ITM2B: variants seen among roughly 807,000 people sequenced by gnomAD.
ITM2B encodes integral membrane protein 2B, also known as ABri/ADan amyloid peptide.
Under a neutral mutation model 27.8 loss-of-function variants are expected in ITM2B, and 11 were observed. The observed-to-expected ratio is 0.40, with a 90% confidence interval of 0.25 to 0.66. The LOEUF (loss-of-function observed/expected upper bound fraction) is 0.66. Ranked by LOEUF, ITM2B falls within the 30% of genes least tolerant of loss-of-function variation. The probability of loss-of-function intolerance (pLI) is 0.43; values close to 1 mark genes in which losing one functional copy is unlikely to be tolerated. For synonymous variants in ITM2B, 114 were observed against 114.3 expected (o/e 1.00, Z 0.02); for missense variants, 296 against 328.9 (o/e 0.90, Z 0.77).
At chr13:48,246,030 A>G (rs1435836402) in intron 1 of ITM2B, among the ~76,000 whole-genome samples, 1 of 152,178 alleles carries the variant, frequency 6.6e-6, no homozygotes, top group African/African-American at 2.4e-5. Flanking sequence ...CACCCGCTTC[A>G]GCCTCCCAAA....
intron 1 of ITM2B, among the ~76,000 whole-genome samples, chr13:48,242,159 T>G (rs1437190098): frequency 6.6e-6 from 1 of 152,240 alleles, no homozygotes; most frequent in Non-Finnish European, 1.5e-5. Flanking sequence ...TTAGTGTTTT[T>G]TATTATAATT....
chr13:48,238,801 A>G (rs1035037813), intron 1 of ITM2B, among the ~76,000 whole-genome samples: 2 of 152,164 alleles, frequency 1.3e-5, no homozygotes, highest in African/African-American at 4.8e-5. Context: ...TATTTGAATG[A>G]TTAACTTTAA....
In ITM2B at chr13:48,257,678, A is replaced by G. The variant is rs1034381601; in HGVS notation, c.454-448A>G. Among the ~76,000 whole-genome samples, 10 of 152,328 alleles carry G rather than the reference A, an allele frequency of 6.6e-5. No individual in the cohort carries two copies. The East Asian group carries it at 1.5e-3, about 23-fold the overall frequency. ...TTCTATGAGACAGTCTTTCTCAACC[A>G]GCGTTTCTCATTTGAACCACAGAAC... is the stretch of plus-strand genomic sequence containing the variant. On this transcript the variant is annotated intron_variant, in intron 3 of 5. Transcript: ENST00000647800.
rs1951645843 is a variant in ITM2B at position 48,233,302 on chromosome 13, A to G, written c.-59A>G. On this transcript the variant is annotated 5_prime_UTR_variant, in exon 1 of 6. Coordinates refer to ENST00000647800, the MANE Select transcript of ITM2B (RefSeq NM_021999.5). ...CGTAGAGGCTGCAATCGCAGCCGGG[A>G]GCCCGCAGCCCGCGCCCCGAGCCCG... 1 of 1,110,576 alleles carries G rather than the reference A, an allele frequency of 9.0e-7. No homozygotes were observed. Among genetic ancestry groups the G allele is most frequent in the African/African-American group, 1.6e-5 (1 of 60,708 alleles). The allele number at this position is 1,110,576 out of a possible 1,614,324, so 68.8% of individuals were successfully genotyped here. A position where few individuals can be genotyped will look rare whatever the true frequency, so the allele number is the denominator to read the frequency against.
rs1593398868 is a variant in ITM2B, at chr13:48,263,930, A to G, written c.*2706A>G. ...AAACATTCAAACCATAGCAAGTTCCATAATGCACCCCATCATATGTGTGTG... is the reference window on the plus strand; with the variant it reads ...AAACATTCAAACCATAGCAAGTTCCGTAATGCACCCCATCATATGTGTGTG... On this transcript the variant is annotated 3_prime_UTR_variant, in exon 6 of 6. Transcript: ENST00000647800. 3 of 152,122 alleles carry G rather than the reference A, an allele frequency of 2.0e-5. No homozygotes were observed. Among genetic ancestry groups the G allele is most frequent in the African/African-American group, 4.8e-5 (2 of 41,412 alleles). The allele number at this position is 152,122 out of a possible 1,614,324, so 9.4% of individuals were successfully genotyped here.
At chr13:48,252,188 T>A (rs1172275853) in intron 1 of ITM2B, among the ~76,000 whole-genome samples, 1 of 152,242 alleles carries the variant, frequency 6.6e-6, no homozygotes, top group Admixed American at 6.5e-5. Flanking sequence ...CTTCAACATC[T>A]GGGATTAGAC....
Position 48,258,272 on chromosome 13 carries a change from C to G in ITM2B, c.564+36C>G, listed in dbSNP as rs759922931. ...GTTGACTGTTTTTGATGAATGATGC[C>G]TTCATAGTGTTCTGGAATTCCCTGT... On this transcript the variant is annotated intron_variant, in intron 4 of 5. Transcript: ENST00000647800. 3 of 1,003,812 alleles carry G rather than the reference C, an allele frequency of 3.0e-6. No homozygotes were observed. In the South Asian group the frequency reaches 3.8e-5, roughly 13 times the overall value. The allele number at this position is 1,003,812 out of a possible 1,614,324, so 62.2% of individuals were successfully genotyped here.
intron 1 of ITM2B, among the ~76,000 whole-genome samples, chr13:48,251,039 A>G (rs1413144790): frequency 6.6e-6 from 1 of 152,242 alleles, no homozygotes; most frequent in Non-Finnish European, 1.5e-5. Context: ...GAATTTTAAA[A>G]AAATATTCAA....
intron 1 of ITM2B, among the ~76,000 whole-genome samples, chr13:48,244,301 T>G (rs1951714218): frequency 6.6e-6 from 1 of 152,242 alleles, no homozygotes; most frequent in African/African-American, 2.4e-5. Flanking sequence ...ATATTTATTC[T>G]TAGAAGAAAA....
chr13:48,268,657 T>C lies in ITM2B; in HGVS notation c.*7433T>C, dbSNP rs1467993779. The C allele has an allele frequency of 6.6e-6, 1 of 152,184 alleles. No homozygotes were observed. The highest frequency in any genetic ancestry group is 1.5e-5 in the Non-Finnish European group (1 of 68,040). 9.4% of individuals were successfully genotyped at this position (152,184 alleles called of 1,614,324 possible). ...CCACAATTTATCATTTTTTTCTGTGTAGGTATTTTCATTGTTTCCAAGTTG... is the reference window on the plus strand; with the variant it reads ...CCACAATTTATCATTTTTTTCTGTGCAGGTATTTTCATTGTTTCCAAGTTG... On this transcript the variant is annotated 3_prime_UTR_variant, in exon 6 of 6. Transcript: ENST00000647800.
chr13:48,251,990 T>A (rs1951758544), intron 1 of ITM2B, among the ~76,000 whole-genome samples: 1 of 152,222 alleles, frequency 6.6e-6, no homozygotes, highest in Non-Finnish European at 1.5e-5. Flanking sequence ...CATTACATAC[T>A]TTTCTTCCTT....
rs937160946 is a variant in ITM2B at position 48,270,263 on chromosome 13, T to C, written c.*9039T>C. ...TCCTGGCCATGACCACACTACCTTA[T>C]TTTTCTCTATAGTACTTATCACCAT... On this transcript the variant is annotated 3_prime_UTR_variant, in exon 6 of 6. Transcript: ENST00000647800. The C allele has an allele frequency of 1.3e-5, 2 of 152,250 alleles. No homozygotes were observed. The highest frequency in any genetic ancestry group is 2.9e-5 in the Non-Finnish European group (2 of 68,054). 9.4% of individuals were successfully genotyped at this position (152,250 alleles called of 1,614,324 possible).
At chr13:48,253,126 A>T (rs1276136357) in intron 1 of ITM2B, among the ~76,000 whole-genome samples, 1 of 152,088 alleles carries the variant, frequency 6.6e-6, no homozygotes, top group Non-Finnish European at 1.5e-5. Context: ...ATTTTTTTCT[A>T]CTGCTTCTAT....
chr13:48,236,237 A>G (rs1951667531), intron 1 of ITM2B, among the ~76,000 whole-genome samples: 1 of 152,208 alleles, frequency 6.6e-6, no homozygotes, highest in Non-Finnish European at 1.5e-5. Flanking sequence ...GATGGGATGT[A>G]TTTTGGGTAG....
Position 48,268,283 on chromosome 13 carries a change from T to G in ITM2B, c.*7059T>G, listed in dbSNP as rs1171190416. The G allele has an allele frequency of 6.6e-6, 1 of 151,948 alleles. No individual in the cohort carries two copies. The highest frequency in any genetic ancestry group is 1.5e-5 in the Non-Finnish European group (1 of 68,002). 9.4% of individuals were successfully genotyped at this position (151,948 alleles called of 1,614,324 possible). A position where few individuals can be genotyped will look rare whatever the true frequency, so the allele number is the denominator to read the frequency against. ...TTTCTTTTGGTTTTGTGTGTGTGTG[T>G]GTGCTTTTTAAATTTATTTTTTATT... On this transcript the variant is annotated 3_prime_UTR_variant, in exon 6 of 6. Transcript: ENST00000647800.
At chr13:48,248,325 A>G (rs935441144) in intron 1 of ITM2B, among the ~76,000 whole-genome samples, 1 of 151,820 alleles carries the variant, frequency 6.6e-6, no homozygotes, top group Non-Finnish European at 1.5e-5. Context: ...TAAAAGAGAT[A>G]GGATCTTGCT....
At position 48,263,602 on chromosome 13, in the gene ITM2B, T is replaced by A. The variant is rs1951834134; in HGVS notation, c.*2378T>A. The A allele has an allele frequency of 6.6e-6, 1 of 152,178 alleles. No homozygotes were observed. Among genetic ancestry groups the A allele is most frequent in the Non-Finnish European group, 1.5e-5 (1 of 68,052 alleles). 9.4% of individuals were successfully genotyped at this position (152,178 alleles called of 1,614,324 possible). A position where few individuals can be genotyped will look rare whatever the true frequency, so the allele number is the denominator to read the frequency against. ...CTGTCTTAGTCCATTCGGGCTACTA[T>A]AACAAAATACCATAGACTGAGTGGC... On this transcript the variant is annotated 3_prime_UTR_variant, in exon 6 of 6. Transcript: ENST00000647800.
At chr13:48,252,368 G>T (rs1593393960) in intron 1 of ITM2B, among the ~76,000 whole-genome samples, 4 of 152,340 alleles carry the variant, frequency 2.6e-5, no homozygotes, top group South Asian at 4.1e-4. Context: ...CTAGGAACTT[G>T]GCTGCACAGT....
chr13:48,237,643 G>A (rs773174463), intron 1 of ITM2B, among the ~76,000 whole-genome samples: 5 of 152,126 alleles, frequency 3.3e-5, no homozygotes, highest in Non-Finnish European at 5.9e-5. Flanking sequence ...AATTAATTTA[G>A]AATTTGACTT....
Sources: allele counts gnomAD v4.1 joint callset (sites outside exome capture counted in the v4.1 genomes callset), GRCh38; gene constraint gnomAD v4.1.1; transcripts MANE v1.5; gene names NCBI Gene and HGNC (gene_info 2026-07-23, HGNC 2026-07-21).